MAST2: variants seen among roughly 807,000 people sequenced by gnomAD.
MAST2 encodes the protein microtubule-associated serine/threonine-protein kinase 2.
A neutral mutation model predicts 147.4 loss-of-function variants in MAST2; 70 were observed. That is an observed-to-expected ratio of 0.47 (90% CI 0.39 to 0.58). The LOEUF is 0.58. Ranked by LOEUF, MAST2 falls within the 20% of genes least tolerant of loss-of-function variation. The pLI is 0.00. For synonymous variants in MAST2, 869 were observed against 896.8 expected (o/e 0.97, Z 0.55); for missense variants, 2,080 against 2,302.3 (o/e 0.90, Z 1.98).
At chr1:45,963,534 G>A (rs530765166) in intron 5 of MAST2, among the ~76,000 whole-genome samples, 36 of 152,236 alleles carry the variant, frequency 2.4e-4, no homozygotes, top group Middle Eastern at 3.4e-3. Flanking sequence ...AATTGTGAAT[G>A]GGAGTTCACT....
At chr1:46,027,375 T>C (rs1331737091) in intron 16 of MAST2, among the ~76,000 whole-genome samples, 1 of 152,162 alleles carries the variant, frequency 6.6e-6, no homozygotes, top group Non-Finnish European at 1.5e-5. Flanking sequence ...GAGAGGGGAC[T>C]AGGAATGGCT....
chr1:45,926,587 G>T (rs1043924823), intron 4 of MAST2, among the ~76,000 whole-genome samples: 2 of 152,104 alleles, frequency 1.3e-5, no homozygotes, highest in African/African-American at 4.8e-5. Context: ...AAAACACTTT[G>T]AATTACATTC....
chr1:45,851,368 G>T (rs1316015517), intron 3 of MAST2, among the ~76,000 whole-genome samples: 1 of 152,110 alleles, frequency 6.6e-6, no homozygotes, highest in African/African-American at 2.4e-5. Flanking sequence ...GGAGCCTTTG[G>T]CGGAGTCTTT....
At position 45,804,035 on chromosome 1, in the gene MAST2, A is replaced by G; in HGVS notation, c.140A>G (p.Glu47Gly). The G allele has an allele frequency of 8.0e-7, 1 of 1,251,560 alleles. No homozygotes were observed. The highest frequency in any genetic ancestry group is 1.6e-5 in the African/African-American group (1 of 63,306). 77.5% of individuals were successfully genotyped at this position (1,251,560 alleles called of 1,614,324 possible). ...RAPPGRQRLE[E>G]RTGPAGPEGK... ...CCGCCCGGGAGGCAGCGGCTGGAGG[A>G]GCGGACGGGCCCCGCGGGGCCCGAG... The change falls in exon 1 of 29, where the codon GAG (glutamate) becomes GGG (glycine). Residue 47 changes from glutamate to glycine, a missense_variant. By Grantham distance (98) the Glu-to-Gly change is moderately conservative. This residue lies in a region of MAST2 where 569 missense variants were observed against 642.5 expected (regional missense o/e 0.89). Coordinates refer to ENST00000361297, the MANE Select transcript of MAST2 (RefSeq NM_015112.3).
chr1:45,927,593 TTC>T (rs940514925), intron 4 of MAST2, among the ~76,000 whole-genome samples: 2 of 152,180 alleles, frequency 1.3e-5, no homozygotes, highest in Non-Finnish European at 2.9e-5. Context: ...GAGTTTAAGG[TTC>T]TCTCTCTTAT....
chr1:45,998,069 C>CT lies in MAST2; in HGVS notation c.668+280dup, dbSNP rs557551295. Among the ~76,000 whole-genome samples the CT allele has an allele frequency of 9.2e-4, 137 of 149,460 alleles. 1 individual carries two copies. Among genetic ancestry groups the CT allele is most frequent in the African/African-American group, 3.0e-3 (121 of 40,822 alleles). The stretch of plus-strand genomic sequence containing the variant: ...AAAGTAGATTTATTTGTATAATTCA[C>CT]TTTTTTTTTTAAGTCCCTGATGTCC... On this transcript the variant is annotated intron_variant, in intron 6 of 28. Coordinates refer to ENST00000361297, the MANE Select transcript of MAST2 (RefSeq NM_015112.3).
At chr1:46,019,137 G>A (rs1646079752) in intron 10 of MAST2, among the ~76,000 whole-genome samples, 1 of 152,108 alleles carries the variant, frequency 6.6e-6, no homozygotes. Context: ...CTGCTAATGG[G>A]TTTTCCTGCA....
chr1:45,934,415 C>T (rs879378315), intron 4 of MAST2, among the ~76,000 whole-genome samples: 5 of 151,866 alleles, frequency 3.3e-5, no homozygotes, highest in Non-Finnish European at 7.4e-5. Context: ...GAACCCAGGA[C>T]GCAGAGCTTG....
At chr1:46,028,072 C>T (rs1243100961) in intron 17 of MAST2, among the ~76,000 whole-genome samples, 1 of 152,188 alleles carries the variant, frequency 6.6e-6, no homozygotes, top group African/African-American at 2.4e-5. Context: ...GGCCATATGC[C>T]TACCTTGTAG....
At chr1:45,901,527 A>G (rs1649763987) in intron 4 of MAST2, among the ~76,000 whole-genome samples, 1 of 152,088 alleles carries the variant, frequency 6.6e-6, no homozygotes, top group Admixed American at 6.6e-5. Flanking sequence ...GTTTTTTCTG[A>G]TTCTGTGAAA....
At chr1:46,008,509 A>G (rs1235663779) in intron 9 of MAST2, 138 bp downstream of exon 9, 1 of 643,654 alleles carries the variant, frequency 1.6e-6, no homozygotes, top group Non-Finnish European at 2.8e-6. Context: ...AAAGTCAGCC[A>G]GGAGGCTGTG....
chr1:45,878,581 A>G (rs565985883), intron 3 of MAST2, among the ~76,000 whole-genome samples: 1 of 152,286 alleles, frequency 6.6e-6, no homozygotes, highest in East Asian at 1.9e-4. Flanking sequence ...ATTATAGAAG[A>G]TATGATTGTT....
intron 4 of MAST2, among the ~76,000 whole-genome samples, chr1:45,932,627 C>T (rs1048720049): frequency 3.9e-5 from 6 of 152,138 alleles, no homozygotes; most frequent in Admixed American, 2.6e-4. Flanking sequence ...GAGCCAAGAT[C>T]GCACCACTGC....
chr1:45,832,521 C>T (rs1423395416), intron 3 of MAST2, among the ~76,000 whole-genome samples: 1 of 152,080 alleles, frequency 6.6e-6, no homozygotes, highest in Admixed American at 6.5e-5. Flanking sequence ...TCTTGAACTG[C>T]TGCCTCAAGT....
chr1:46,035,381 C>A lies in MAST2; in HGVS notation c.4712C>A (p.Pro1571His), dbSNP rs868200271. The A allele has an allele frequency of 6.2e-7, 1 of 1,612,782 alleles. No individual in the cohort carries two copies. The highest frequency in any genetic ancestry group is 1.3e-5 in the African/African-American group (1 of 74,988). ...TTGACAGGGATCACACTGGGGCCTCCCAGAATGGAAAGTCCCAGTGGTCCC... is the reference window on the plus strand; with the variant it reads ...TTGACAGGGATCACACTGGGGCCTCACAGAATGGAAAGTCCCAGTGGTCCC... ...SLLTGITLGP[P>H]RMESPSGPHR... Residue 1571 changes from proline (P) to histidine (H), a missense_variant, in exon 29 of 29, where the codon CCC becomes CAC. Coordinates refer to ENST00000361297, the MANE Select transcript of MAST2 (RefSeq NM_015112.3). The surrounding 1 kb of genome is among the most constrained non-coding windows in gnomAD (Gnocchi z 5.5).
At chr1:45,967,319 C>T (rs1342395320) in intron 5 of MAST2, among the ~76,000 whole-genome samples, 1 of 152,118 alleles carries the variant, frequency 6.6e-6, no homozygotes, top group African/African-American at 2.4e-5. Flanking sequence ...ATCTGCCTGG[C>T]TCAGCCTACC....
In MAST2 at chr1:46,033,953, G is replaced by C; in HGVS notation, c.3674+15G>C. Reference sequence around the variant, plus strand: ...GGGCAAGAAAGGTGAGCCAGGCGCAGTGAAGAGGGTTTTCTCTGAGCCACA... The same window carrying C: ...GGGCAAGAAAGGTGAGCCAGGCGCACTGAAGAGGGTTTTCTCTGAGCCACA... On this transcript the variant is annotated intron_variant, in intron 27 of 28. Transcript: ENST00000361297. 6.2e-7 allele frequency: 1 copy of C among 1,613,796 alleles called. No individual in the cohort carries two copies. The highest frequency in any genetic ancestry group is 8.5e-7 in the Non-Finnish European group (1 of 1,179,712).
chr1:45,915,299 C>A (rs921784261), intron 4 of MAST2, among the ~76,000 whole-genome samples: 1 of 152,112 alleles, frequency 6.6e-6, no homozygotes, highest in Non-Finnish European at 1.5e-5. Flanking sequence ...GAAAAATACC[C>A]CCTGAGGAGC....
chr1:45,946,991 T>A, intron 4 of MAST2, among the ~76,000 whole-genome samples: 1 of 152,148 alleles, frequency 6.6e-6, no homozygotes, highest in African/African-American at 2.4e-5. Context: ...TACTTGACTT[T>A]TAGATCATTT....
Sources: allele counts gnomAD v4.1 joint callset (sites outside exome capture counted in the v4.1 genomes callset), GRCh38; gene constraint gnomAD v4.1.1; regional missense constraint gnomAD v4.1.1; non-coding constraint Gnocchi (gnomAD v3.1); transcripts MANE v1.5; gene names NCBI Gene and HGNC (gene_info 2026-07-23, HGNC 2026-07-21).